Variants in KCNMA1 observed in about 807,000 individuals in gnomAD.
KCNMA1 encodes Calcium-activated potassium channel subunit alpha-1.
KCNMA1 carries 29 observed loss-of-function variants against 140.0 expected under a neutral mutation model. The observed-to-expected ratio is 0.21, with a 90% CI of 0.15 to 0.28. KCNMA1 has a LOEUF of 0.28. Among genes scored for constraint, KCNMA1 ranks in the 10% least tolerant of loss-of-function variants. The pLI, the probability that KCNMA1 is intolerant of heterozygous loss-of-function variation, is 1.00. For synonymous variants in KCNMA1, 612 were observed against 611.9 expected (o/e 1.00, Z 0.00); for missense variants, 880 against 1,602.2 (o/e 0.55, Z 7.70).
At chr10:77,467,429 C>T (rs1388271418) in intron 1 of KCNMA1, among the ~76,000 whole-genome samples, 5 of 152,180 alleles carry the variant, frequency 3.3e-5, no homozygotes, top group Non-Finnish European at 5.9e-5. Flanking sequence ...AATAGGGGAT[C>T]CCAAGGGACT....
At chr10:77,285,705 G>C (rs1231745767) in intron 2 of KCNMA1, among the ~76,000 whole-genome samples, 1 of 152,146 alleles carries the variant, frequency 6.6e-6, no homozygotes, top group Non-Finnish European at 1.5e-5. Flanking sequence ...ATGGCATAGG[G>C]GTGAGGTGCC....
chr10:77,038,737 C>T (rs1255565232), intron 15 of KCNMA1, among the ~76,000 whole-genome samples: 1 of 152,134 alleles, frequency 6.6e-6, no homozygotes, highest in Non-Finnish European at 1.5e-5. Context: ...GATAAAGTCT[C>T]ACTGTGTTGC....
intron 22 of KCNMA1, among the ~76,000 whole-genome samples, chr10:76,947,919 A>T (rs2064725435): frequency 6.6e-6 from 1 of 152,228 alleles, no homozygotes; most frequent in Admixed American, 6.5e-5. Flanking sequence ...TGATAACAGA[A>T]ATAATACATT....
intron 1 of KCNMA1, among the ~76,000 whole-genome samples, chr10:77,626,533 T>C (rs1029011125): frequency 3.9e-5 from 6 of 152,206 alleles, no homozygotes; most frequent in Non-Finnish European, 5.9e-5. Flanking sequence ...CACTTATCTC[T>C]GAGTTCTCCA....
intron 21 of KCNMA1, among the ~76,000 whole-genome samples, chr10:76,953,392 G>A (rs2152985106): frequency 6.6e-6 from 1 of 152,304 alleles, no homozygotes; most frequent in East Asian, 1.9e-4. Context: ...ACAGCCCTAT[G>A]AGTTAGGGTC....
chr10:77,413,815 G>T (rs2096673530), intron 1 of KCNMA1, among the ~76,000 whole-genome samples: 1 of 152,158 alleles, frequency 6.6e-6, no homozygotes, highest in South Asian at 2.1e-4. Flanking sequence ...GCTAACTGTG[G>T]GCTGTACCTT....
rs1156907668 is a variant in KCNMA1 at position 77,458,722 on chromosome 10, G to A, written c.379-54699C>T. Among the ~76,000 whole-genome samples the A allele has an allele frequency of 3.9e-5, 6 of 152,308 alleles. No individual in the cohort carries two copies. In the East Asian group the frequency reaches 1.2e-3, roughly 29 times the overall value. ...AGGGTTTGTTAATGGTCAGGACACT[G>A]CTGCAGACAACCAAGGCTCAATGCC... On this transcript the variant is annotated intron_variant, in intron 1 of 27. Coordinates refer to ENST00000286628, the MANE Select transcript of KCNMA1 (RefSeq NM_001161352.2).
intron 5 of KCNMA1, among the ~76,000 whole-genome samples, chr10:77,149,629 T>C (rs528469539): frequency 1.3e-5 from 2 of 152,314 alleles, no homozygotes; most frequent in African/African-American, 4.8e-5. Flanking sequence ...ACCTGTGCTG[T>C]TGGGCTGCCT....
chr10:77,344,585 A>ATT (rs61265392), intron 2 of KCNMA1, among the ~76,000 whole-genome samples: 191 of 145,022 alleles, frequency 1.3e-3, no homozygotes, highest in African/African-American at 2.2e-3. Context: ...TGCTTTCTCT[A>ATT]TTTTTTTTTT....
At chr10:77,199,780 G>C (rs1191564250) in intron 3 of KCNMA1, among the ~76,000 whole-genome samples, 1 of 152,104 alleles carries the variant, frequency 6.6e-6, no homozygotes. Flanking sequence ...AGAGAACACA[G>C]TGCATTCTGG....
intron 20 of KCNMA1, among the ~76,000 whole-genome samples, chr10:76,968,263 C>T (rs2074735281): frequency 6.6e-6 from 1 of 152,108 alleles, no homozygotes; most frequent in Admixed American, 6.6e-5. Context: ...TTAAAAAAGC[C>T]TCCACCTCAT....
At chr10:77,155,819 T>C (rs2098476642) in intron 5 of KCNMA1, among the ~76,000 whole-genome samples, 1 of 152,122 alleles carries the variant, frequency 6.6e-6, no homozygotes, top group Non-Finnish European at 1.5e-5. Flanking sequence ...CACAAAACCC[T>C]GACACAGTGA....
At chr10:77,095,746 T>A (rs2096915963) in intron 9 of KCNMA1, among the ~76,000 whole-genome samples, 1 of 152,182 alleles carries the variant, frequency 6.6e-6, no homozygotes, top group Non-Finnish European at 1.5e-5. Flanking sequence ...TTCTACTCTC[T>A]TCTCAGTGAT....
intron 14 of KCNMA1, among the ~76,000 whole-genome samples, chr10:77,062,864 CAG>C (rs926647370): frequency 6.6e-6 from 1 of 152,140 alleles, no homozygotes; most frequent in Non-Finnish European, 1.5e-5. Context: ...CAATGTGTAA[CAG>C]TGGGGAAAGC....
intron 12 of KCNMA1, among the ~76,000 whole-genome samples, chr10:77,081,202 T>C (rs2096557141): frequency 6.6e-6 from 1 of 152,140 alleles, no homozygotes; most frequent in African/African-American, 2.4e-5. Flanking sequence ...GCGCGACCTT[T>C]AGGAAAACCC....
At chr10:76,884,072 C>CCAT (rs1272691291), downstream of KCNMA1, 2 of 688,394 alleles carry the variant, frequency 2.9e-6, no homozygotes, top group African/African-American at 3.9e-5. Context: ...CATTCCATTC[C>CCAT]CATCACAATA....
At chr10:77,259,661 C>T (rs556124172) in intron 2 of KCNMA1, among the ~76,000 whole-genome samples, 9 of 152,324 alleles carry the variant, frequency 5.9e-5, no homozygotes, top group South Asian at 2.1e-4. Context: ...ACAGAGCCTT[C>T]GCACAAGCAC....
intron 1 of KCNMA1, among the ~76,000 whole-genome samples, chr10:77,577,526 C>T (rs1658884940): frequency 6.6e-6 from 1 of 152,166 alleles, no homozygotes; most frequent in Admixed American, 6.5e-5. Flanking sequence ...TAATAAATAA[C>T]ATCAAGCAAT....
At chr10:76,947,999 C>A (rs34528617) in intron 22 of KCNMA1, among the ~76,000 whole-genome samples, 1 of 141,666 alleles carries the variant, frequency 7.1e-6, no homozygotes, top group Non-Finnish European at 1.6e-5. Flanking sequence ...TCAGTTGTTT[C>A]TTGTTTTGTT....
Sources: gnomAD v4.1 joint callset for allele counts (sites outside exome capture counted in the v4.1 genomes callset) on GRCh38, gnomAD v4.1.1 for gene constraint, MANE v1.5 for transcripts, NCBI Gene and HGNC (gene_info 2026-07-23, HGNC 2026-07-21) for gene names.